Variants in KCNA6 observed in about 807,000 individuals in gnomAD.
KCNA6 encodes the protein human brain potassium channel-2.
In KCNA6, 17 loss-of-function variants were observed where a neutral mutation model predicts 29.5. The ratio of observed to expected loss-of-function variants is 0.58; its 90% CI spans 0.39 to 0.86. The LOEUF (loss-of-function observed/expected upper bound fraction) is 0.86, where lower values mean the gene tolerates loss of function less well. KCNA6 is among the 40% of genes least tolerant of loss of function. The pLI is 0.00. For missense variants in KCNA6, 450 were observed against 703.4 expected (o/e 0.64, Z 4.07); for synonymous variants, 296 against 304.7 (o/e 0.97, Z 0.30).
chr12:4,817,287 C>A (rs192029829), downstream of KCNA6, among the ~76,000 whole-genome samples: 3 of 152,186 alleles, frequency 2.0e-5, no homozygotes, highest in Admixed American at 6.5e-5. Flanking sequence ...GGGTCTGGAG[C>A]TTGGCAGTTG....
chr12:4,840,108 G>A, the KCNA6 span, among the ~76,000 whole-genome samples: 1 of 152,146 alleles, frequency 6.6e-6, no homozygotes, highest in African/African-American at 2.4e-5. Context: ...AAGGGTTTAT[G>A]TCACTCCTGA....
Position 4,810,017 on chromosome 12 carries a change from G to T in KCNA6, c.-25G>T. 1 of 1,472,110 alleles carries T rather than the reference G, an allele frequency of 6.8e-7. No individual in the cohort carries two copies. Among genetic ancestry groups the T allele is most frequent in the Non-Finnish European group, 9.0e-7 (1 of 1,117,154 alleles). The allele number at this position is 1,472,110 out of a possible 1,614,324, so 91.2% of individuals were successfully genotyped here. Reference sequence around the variant, plus strand: ...TTGTGTCGTGGGCGCCGTCCTAGTGGCGGGGAGCGCACCTCCGAGGGGGCA... The same window carrying T: ...TTGTGTCGTGGGCGCCGTCCTAGTGTCGGGGAGCGCACCTCCGAGGGGGCA... On this transcript the variant is annotated 5_prime_UTR_variant, in exon 1 of 1. Coordinates refer to ENST00000280684, the Ensembl canonical transcript of KCNA6. The surrounding 1 kb of genome is among the most constrained non-coding windows in gnomAD (Gnocchi z 7.5).
the KCNA6 span, among the ~76,000 whole-genome samples, chr12:4,821,189 C>T: frequency 6.6e-6 from 1 of 152,150 alleles, no homozygotes; most frequent in African/African-American, 2.4e-5. Context: ...TCCAGAAGGC[C>T]TGGTGGTTGA....
the KCNA6 span, among the ~76,000 whole-genome samples, chr12:4,846,353 C>G: frequency 2.0e-5 from 3 of 152,048 alleles, no homozygotes; most frequent in Non-Finnish European, 4.4e-5. Flanking sequence ...TTACACTGCC[C>G]ACCGTTACTC....
At chr12:4,837,153 GC>G in the KCNA6 span, among the ~76,000 whole-genome samples, 2 of 152,138 alleles carry the variant, frequency 1.3e-5, no homozygotes, top group Non-Finnish European at 2.9e-5. Context: ...ATGTAATGAA[GC>G]CTCCATAAAA....
At chr12:4,849,489 C>CTTTTTT in the KCNA6 span, among the ~76,000 whole-genome samples, 151 of 101,404 alleles carry the variant, frequency 1.5e-3, 6 homozygotes, top group African/African-American at 5.7e-3. Context: ...GATTTTTGCT[C>CTTTTTT]TTTTTTTTTT....
chr12:4,840,920 T>G, the KCNA6 span, among the ~76,000 whole-genome samples: 48 of 152,328 alleles, frequency 3.2e-4, no homozygotes, highest in Admixed American at 1.2e-3. Context: ...CCGTGTTGAT[T>G]GCAGCTTGTG....
chr12:4,850,448 G>T, the KCNA6 span, among the ~76,000 whole-genome samples: 1 of 152,160 alleles, frequency 6.6e-6, no homozygotes, highest in African/African-American at 2.4e-5. The surrounding 1 kb of genome is among the most constrained non-coding windows in gnomAD (Gnocchi z 5.4). Flanking sequence ...GCCATTAAAG[G>T]TGGAGTATTA....
At position 4,810,576 on chromosome 12, in the gene KCNA6, G is replaced by C. The variant is rs781656226; in HGVS notation, c.535G>C (p.Val179Leu). 3 of 1,614,046 alleles carry C rather than the reference G, an allele frequency of 1.9e-6. No individual in the cohort carries two copies. Among genetic ancestry groups the C allele is most frequent in the African/African-American group, 1.3e-5 (1 of 74,926 alleles). The change falls in exon 1 of 1, where the codon GTC becomes CTC. Residue 179 changes from valine (V) to leucine (L), a missense_variant. Transcript: ENST00000280684. The surrounding 1 kb of genome is among the most constrained non-coding windows in gnomAD (Gnocchi z 7.5). Reference sequence around the variant, plus strand: ...TGGGCCGGCCAGGGGCATCGCCATCGTCTCCGTGTTGGTCATTCTCATCTC... The same window carrying C: ...TGGGCCGGCCAGGGGCATCGCCATCCTCTCCGTGTTGGTCATTCTCATCTC...
the KCNA6 span, among the ~76,000 whole-genome samples, chr12:4,849,578 T>C: frequency 6.7e-6 from 1 of 149,706 alleles, no homozygotes; most frequent in Admixed American, 6.7e-5. Context: ...GGCAATGTCC[T>C]TGTGAGTCTG....
chr12:4,842,012 C>CGTGTGTGTGTGTGTGTGT, the KCNA6 span, among the ~76,000 whole-genome samples: 2 of 124,900 alleles, frequency 1.6e-5, no homozygotes, highest in African/African-American at 6.4e-5. Context: ...ATGGAGCTTA[C>CGTGTGTGTGTGTGTGTGT]GTGTGTGTGT....
At chr12:4,825,459 A>G in the KCNA6 span, among the ~76,000 whole-genome samples, 1 of 152,224 alleles carries the variant, frequency 6.6e-6, no homozygotes, top group Non-Finnish European at 1.5e-5. Flanking sequence ...CCCCTTTTAT[A>G]GTAATGTCTG....
At chr12:4,826,625 C>T in the KCNA6 span, among the ~76,000 whole-genome samples, 1 of 152,214 alleles carries the variant, frequency 6.6e-6, no homozygotes, top group Non-Finnish European at 1.5e-5. Flanking sequence ...GTATTGTTCT[C>T]CCACCAGAGT....
At chr12:4,842,245 C>T in the KCNA6 span, among the ~76,000 whole-genome samples, 2 of 152,070 alleles carry the variant, frequency 1.3e-5, no homozygotes, top group East Asian at 1.9e-4. Flanking sequence ...GTTAAATAGT[C>T]AAAGGAGGTA....
At chr12:4,849,489 CTTTTTTTTT>C in the KCNA6 span, among the ~76,000 whole-genome samples, 7 of 101,416 alleles carry the variant, frequency 6.9e-5, no homozygotes, top group South Asian at 7.4e-4. Context: ...GATTTTTGCT[CTTTTTTTTT>C]TTTTTTTTTT....
the KCNA6 span, among the ~76,000 whole-genome samples, chr12:4,831,091 G>A: frequency 2.2e-4 from 34 of 152,316 alleles, no homozygotes; most frequent in East Asian, 5.6e-3. Flanking sequence ...GCTGGTCTCC[G>A]CTGTGCCTCC....
chr12:4,838,428 C>T, the KCNA6 span, among the ~76,000 whole-genome samples: 1 of 152,182 alleles, frequency 6.6e-6, no homozygotes, highest in African/African-American at 2.4e-5. Context: ...AAGGAGTTTA[C>T]AGCGTGATAC....
the KCNA6 span, among the ~76,000 whole-genome samples, chr12:4,839,944 T>C: frequency 6.6e-6 from 1 of 150,688 alleles, no homozygotes; most frequent in African/African-American, 2.4e-5. Context: ...CACAATTTTT[T>C]GTTTCTTTTT....
the KCNA6 span, among the ~76,000 whole-genome samples, chr12:4,821,108 GAA>G: frequency 6.6e-6 from 1 of 152,184 alleles, no homozygotes; most frequent in African/African-American, 2.4e-5. Context: ...CCCCGATAGA[GAA>G]AGAGAAGTGA....
Sources: allele counts gnomAD v4.1 joint callset (sites outside exome capture counted in the v4.1 genomes callset), GRCh38; gene constraint gnomAD v4.1.1; non-coding constraint Gnocchi (gnomAD v3.1); transcripts MANE v1.5; gene names NCBI Gene and HGNC (gene_info 2026-07-23, HGNC 2026-07-21).